Variants in MMP28 observed in about 807,000 individuals in gnomAD.
The protein encoded by MMP28 is matrix metallopeptidase 28.
Under a neutral mutation model 60.5 loss-of-function variants are expected in MMP28, and 55 were observed. The ratio of observed to expected loss-of-function variants is 0.91; its 90% CI spans 0.73 to 1.14. The LOEUF is 1.14. Ranked by LOEUF, MMP28 falls within the 50% of genes most tolerant of loss-of-function variation. MMP28 has a pLI of 0.00. For synonymous variants in MMP28, 318 were observed against 312.5 expected, an observed-to-expected ratio of 1.02 and a Z score of -0.18; for missense variants, 686 against 738.3, an observed-to-expected ratio of 0.93 and a Z score of 0.82.
chr17:35,762,353 CCT>C (rs1337862725), downstream of MMP28, among the ~76,000 whole-genome samples: 4 of 152,194 alleles, frequency 2.6e-5, no homozygotes, highest in Non-Finnish European at 5.9e-5. Context: ...GCCTTCCTCC[CCT>C]CTTTCCTTTA....
intron 1 of MMP28, among the ~76,000 whole-genome samples, chr17:35,779,830 T>C (rs1555608869): frequency 6.6e-6 from 1 of 152,170 alleles, no homozygotes; most frequent in Non-Finnish European, 1.5e-5. Flanking sequence ...ACAGTGCCTA[T>C]TACATAGGAG....
At chr17:35,758,129 T>C (rs1407732480) in intron 2 of MMP28, 1 of 152,146 alleles carries the variant, frequency 6.6e-6, no homozygotes, top group Non-Finnish European at 1.5e-5. Context: ...GTCTTTTAGG[T>C]ATTATTTCTA....
chr17:35,764,771 G>A (rs1388382409), downstream of MMP28: 3 of 814,456 alleles, frequency 3.7e-6, no homozygotes, highest in Middle Eastern at 3.7e-4. Context: ...CCGTCAAGAA[G>A]GCCCACTGTT....
chr17:35,760,166 G>A (rs1353965504), intron 2 of MMP28, among the ~76,000 whole-genome samples: 1 of 152,138 alleles, frequency 6.6e-6, no homozygotes, highest in East Asian at 1.9e-4. Flanking sequence ...CTCTCTTTGA[G>A]GTCAGCAACT....
At chr17:35,793,374 T>G (rs923208471) in intron 1 of MMP28, among the ~76,000 whole-genome samples, 4 of 152,268 alleles carry the variant, frequency 2.6e-5, no homozygotes, top group Non-Finnish European at 5.9e-5. Context: ...GGTGGGACTC[T>G]TAACAAGACT....
chr17:35,782,334 C>T (rs2086530779), intron 1 of MMP28, among the ~76,000 whole-genome samples: 1 of 152,142 alleles, frequency 6.6e-6, no homozygotes, highest in Admixed American at 6.5e-5. Context: ...GGATTACAGG[C>T]GTGAGCCACC....
At chr17:35,774,045 C>G (rs540962058) in intron 3 of MMP28, among the ~76,000 whole-genome samples, 1 of 152,346 alleles carries the variant, frequency 6.6e-6, no homozygotes, top group South Asian at 2.1e-4. Flanking sequence ...CTGGAGAGCT[C>G]TGAGGTGAAA....
Position 35,795,528 on chromosome 17 carries a change from C to G in MMP28, c.-151G>C, listed in dbSNP as rs775371943. ...TCCCGGGGTTTCGCCAGTGCCCTAG[C>G]TGCGCGCTCTGGGCCGCTCCTCCGC... On this transcript the variant is annotated 5_prime_UTR_variant, in exon 1 of 8. Transcript: ENST00000605424. The G allele has an allele frequency of 9.9e-4, 469 of 474,534 alleles. 1 individual carries two copies. Among genetic ancestry groups the G allele is most frequent in the Non-Finnish European group, 1.4e-3 (396 of 290,102 alleles). The allele number at this position is 474,534 out of a possible 1,614,324, so 29.4% of individuals were successfully genotyped here.
intron 3 of MMP28, among the ~76,000 whole-genome samples, chr17:35,775,321 T>A (rs997469399): frequency 2.0e-5 from 3 of 152,186 alleles, no homozygotes; most frequent in African/African-American, 7.2e-5. Flanking sequence ...TTTGCTCCCA[T>A]GGAGAAAGCT....
downstream of MMP28, chr17:35,764,696 C>T (rs954990186): frequency 6.9e-7 from 1 of 1,441,510 alleles, no homozygotes; most frequent in East Asian, 2.8e-5. Context: ...TCTTGGAGCG[C>T]GGAGCCCTCT....
At chr17:35,780,329 A>C (rs1307437835) in intron 1 of MMP28, among the ~76,000 whole-genome samples, 2 of 152,064 alleles carry the variant, frequency 1.3e-5, no homozygotes, top group African/African-American at 2.4e-5. Flanking sequence ...CAGCCTCCCA[A>C]AGTGCTGGGA....
chr17:35,773,333 C>A lies in MMP28; in HGVS notation c.451G>T (p.Val151Phe), dbSNP rs1314636123. ...NWPEHLPEPA[V>F]RGAVRAAFQL... The stretch of plus-strand genomic sequence containing the variant: ...AAGGCGGCGCGCACGGCGCCCCGAA[C>A]TGCCGGCTCCGGCAGATGCTCAGGC... Residue 151 changes from valine (V) to phenylalanine (F), a missense_variant, in exon 4 of 8, where the codon GTT (valine) becomes TTT (phenylalanine). Val to Phe is a conservative substitution (Grantham distance 50). Coordinates refer to ENST00000605424, the MANE Select transcript of MMP28 (RefSeq NM_024302.5). 3 of 1,612,762 alleles carry A rather than the reference C, an allele frequency of 1.9e-6. No homozygotes were observed. Among genetic ancestry groups the A allele is most frequent in the African/African-American group, 1.3e-5 (1 of 74,942 alleles).
At chr17:35,791,164 TG>T (rs750546912) in intron 1 of MMP28, among the ~76,000 whole-genome samples, 23 of 151,800 alleles carry the variant, frequency 1.5e-4, no homozygotes, top group Non-Finnish European at 2.4e-4. Flanking sequence ...GCCATTAAGT[TG>T]GACTTTAAAA....
intron 2 of MMP28, chr17:35,757,996 C>G (rs1440001680): frequency 6.6e-6 from 1 of 152,092 alleles, no homozygotes; most frequent in African/African-American, 2.4e-5. Flanking sequence ...CCAGGCAAAA[C>G]TAATATTGCA....
At chr17:35,790,806 A>T (rs1175375899) in intron 1 of MMP28, among the ~76,000 whole-genome samples, 2 of 151,988 alleles carry the variant, frequency 1.3e-5, no homozygotes, top group Non-Finnish European at 2.9e-5. Flanking sequence ...TGGCCAACAT[A>T]GTGAAACCTC....
chr17:35,789,797 C>A (rs974250982), intron 1 of MMP28, among the ~76,000 whole-genome samples: 2 of 150,466 alleles, frequency 1.3e-5, no homozygotes, highest in African/African-American at 4.9e-5. Context: ...CGGAGTCTCG[C>A]TCTGCTCAAG....
chr17:35,764,089 G>C (rs1329025811), downstream of MMP28: 3 of 1,550,282 alleles, frequency 1.9e-6, no homozygotes, highest in Admixed American at 5.9e-5. Context: ...AGGAGGGGTC[G>C]GAGGACGAGG....
At chr17:35,775,701 T>A (rs886851255) in intron 3 of MMP28, among the ~76,000 whole-genome samples, 1 of 152,156 alleles carries the variant, frequency 6.6e-6, no homozygotes, top group South Asian at 2.1e-4. Context: ...GAGACAGCAA[T>A]GTGGAGCTGC....
In MMP28 at chr17:35,766,280, T is replaced by C. The variant is rs2085934754; in HGVS notation, c.*220A>G. 52 of 1,344,894 alleles carry C rather than the reference T, an allele frequency of 3.9e-5. No individual in the cohort carries two copies. Among genetic ancestry groups the C allele is most frequent in the Non-Finnish European group, 5.0e-5 (52 of 1,049,710 alleles). 83.3% of individuals were successfully genotyped at this position (1,344,894 alleles called of 1,614,324 possible). ...GGGATCTGGGACCCTTTTTTGCTTT[T>C]CCTAAGATTGATCCCACCCCCACCT... On this transcript the variant is annotated 3_prime_UTR_variant, in exon 8 of 8. Transcript: ENST00000605424. The surrounding 1 kb of genome is among the most constrained non-coding windows in gnomAD (Gnocchi z 4.3).
Sources: allele counts gnomAD v4.1 joint callset (sites outside exome capture counted in the v4.1 genomes callset), GRCh38; gene constraint gnomAD v4.1.1; non-coding constraint Gnocchi (gnomAD v3.1); transcripts MANE v1.5; gene names NCBI Gene and HGNC (gene_info 2026-07-23, HGNC 2026-07-21).